Variants in PSMB3 observed in about 807,000 individuals in gnomAD.
The protein encoded by PSMB3 is proteasome 20S subunit beta 3.
In PSMB3, 5 loss-of-function variants were observed where a neutral mutation model predicts 23.3. The observed-to-expected ratio is 0.21, with a 90% CI of 0.11 to 0.45. The LOEUF is 0.45. PSMB3 is among the 20% of genes least tolerant of loss of function. The probability of loss-of-function intolerance (pLI) is 0.99; values close to 1 mark genes in which losing one functional copy is unlikely to be tolerated. For missense variants in PSMB3, 192 were observed against 277.9 expected (o/e 0.69, Z 2.20); for synonymous variants, 85 against 99.8 (o/e 0.85, Z 0.88).
chr17:38,764,073 G>A (rs1268568695), intron 5 of PSMB3, 46 bp from the exon 6 acceptor site: 6 of 1,612,372 alleles, frequency 3.7e-6, no homozygotes. Context: ...CACAGTCACG[G>A]TCCAGATGGG....
intron 5 of PSMB3, among the ~76,000 whole-genome samples, chr17:38,763,373 ACAAAAAACC>A (rs918783764): frequency 4.6e-5 from 7 of 151,926 alleles, no homozygotes; most frequent in East Asian, 1.9e-4. Flanking sequence ...AAAAACAAAA[ACAAAAAACC>A]CAAAAAACAG....
intron 2 of PSMB3, among the ~76,000 whole-genome samples, chr17:38,753,881 C>T (rs951885131): frequency 8.5e-5 from 13 of 152,222 alleles, no homozygotes; most frequent in African/African-American, 3.1e-4. Context: ...GTTGGGGAAG[C>T]ATTGGCAATG....
At chr17:38,758,403 G>A (rs547374470) in intron 3 of PSMB3, among the ~76,000 whole-genome samples, 2 of 151,760 alleles carry the variant, frequency 1.3e-5, no homozygotes, top group South Asian at 2.1e-4. Flanking sequence ...GCAGTGGTGC[G>A]ATCATGGCTC....
At chr17:38,760,310 A>G in intron 3 of PSMB3, 121 bp from the exon 4 acceptor site, 1 of 1,078,030 alleles carries the variant, frequency 9.3e-7, no homozygotes, top group Non-Finnish European at 1.3e-6. Flanking sequence ...TGATCTTCCT[A>G]AACAGGTCCT....
intron 4 of PSMB3, 73 bp from the exon 5 acceptor site, chr17:38,762,338 A>G: frequency 7.7e-7 from 1 of 1,294,228 alleles, no homozygotes; most frequent in Non-Finnish European, 1.1e-6. Context: ...GAGCCTAGAA[A>G]AAAGAGAGTT....
intron 2 of PSMB3, among the ~76,000 whole-genome samples, 170 bp from the exon 3 acceptor site, chr17:38,755,713 T>TTC (rs1452692508): frequency 1.7e-5 from 2 of 116,472 alleles, no homozygotes; most frequent in Admixed American, 1.7e-4. Context: ...TGTGTGTGTG[T>TTC]GTGCTGCCAA....
At chr17:38,760,349 C>T (rs183237876) in intron 3 of PSMB3, 82 bp from the exon 4 acceptor site, 56 of 1,497,788 alleles carry the variant, frequency 3.7e-5, no homozygotes, top group African/African-American at 1.5e-4. Context: ...GGGTCTAGGC[C>T]GGGGCCTTGT....
chr17:38,755,558 T>C (rs1908127900), intron 2 of PSMB3, among the ~76,000 whole-genome samples: 1 of 150,018 alleles, frequency 6.7e-6, no homozygotes, highest in South Asian at 2.1e-4. Context: ...GGCAGGAGAA[T>C]AGCGTGAACC....
At chr17:38,761,573 C>T (rs1459925951) in intron 4 of PSMB3, among the ~76,000 whole-genome samples, 1 of 152,094 alleles carries the variant, frequency 6.6e-6, no homozygotes, top group Non-Finnish European at 1.5e-5. Flanking sequence ...ACCTGTTGAA[C>T]TGCAGTTTGT....
At chr17:38,753,357 C>T (rs755235721) in intron 2 of PSMB3, 23 bp downstream of exon 2, 1 of 1,606,300 alleles carries the variant, frequency 6.2e-7, no homozygotes, top group Non-Finnish European at 8.5e-7. Flanking sequence ...GGTCCCCGCC[C>T]ACACCCAGGC....
At chr17:38,754,340 G>A (rs1373490295) in intron 2 of PSMB3, among the ~76,000 whole-genome samples, 1 of 152,018 alleles carries the variant, frequency 6.6e-6, no homozygotes, top group Non-Finnish European at 1.5e-5. Context: ...CTGGGTGGTG[G>A]GCACCTGTAA....
At chr17:38,763,078 C>T (rs577819926) in intron 5 of PSMB3, among the ~76,000 whole-genome samples, 6 of 152,278 alleles carry the variant, frequency 3.9e-5, no homozygotes, top group Admixed American at 2.0e-4. Context: ...AGTATTTGGC[C>T]AGGCGCGTTG....
intron 2 of PSMB3, among the ~76,000 whole-genome samples, chr17:38,755,678 A>G (rs2338113): frequency 0.38 from 39,661 of 105,132 alleles, 7,781 homozygotes; most frequent in Non-Finnish European, 0.41. Flanking sequence ...ATATATATAT[A>G]TATATGTGTG....
intron 2 of PSMB3, among the ~76,000 whole-genome samples, chr17:38,755,646 TAAAAAA>T (rs66894167): frequency 1.5e-5 from 1 of 66,446 alleles, no homozygotes; most frequent in African/African-American, 5.7e-5. Flanking sequence ...AGACTCCGTC[TAAAAAA>T]AAAAAAAATA....
chr17:38,756,516 G>A (rs1402436489), intron 3 of PSMB3, among the ~76,000 whole-genome samples: 1 of 151,648 alleles, frequency 6.6e-6, no homozygotes, highest in Non-Finnish European at 1.5e-5. Flanking sequence ...TTTTTTTTGA[G>A]ACGGAGTCTT....
chr17:38,760,388 G>A (rs751791270), intron 3 of PSMB3, 43 bp from the exon 4 acceptor site: 37 of 1,599,880 alleles, frequency 2.3e-5, no homozygotes, highest in African/African-American at 4.0e-5. Flanking sequence ...GAAAGCGAGC[G>A]TTCTTGAGTT....
chr17:38,753,012 T>G, intron 1 of PSMB3, 138 bp from the exon 2 acceptor site: 1 of 1,250,810 alleles, frequency 8.0e-7, no homozygotes, highest in Non-Finnish European at 1.1e-6. Flanking sequence ...ACAGTGCTCA[T>G]CCCAGCTGGA....
At position 38,753,128 on chromosome 17, in the gene PSMB3, CCCT is replaced by C. The variant is rs1403326041; in HGVS notation, c.4-19_4-17del. On this transcript the variant is annotated intron_variant, in intron 1 of 5. Coordinates refer to ENST00000619426, the MANE Select transcript of PSMB3 (RefSeq NM_002795.4). ...GCAGCGTTTGACCCCCCGCGCTGACCCCTCCGCTCTGTCTGTCCTAGTCTATTA... is the reference window on the plus strand; with the variant it reads ...GCAGCGTTTGACCCCCCGCGCTGACCCCGCTCTGTCTGTCCTAGTCTATTA... The C allele has an allele frequency of 6.3e-7, 1 of 1,594,018 alleles. No individual in the cohort carries two copies. The highest frequency in any genetic ancestry group is 8.6e-7 in the Non-Finnish European group (1 of 1,168,754).
intron 3 of PSMB3, among the ~76,000 whole-genome samples, chr17:38,756,635 AC>A (rs1188009051): frequency 6.6e-6 from 1 of 151,962 alleles, no homozygotes; most frequent in African/African-American, 2.4e-5. Flanking sequence ...AGCTGGGACC[AC>A]AGGTCCATAT....
Sources: gnomAD v4.1 joint callset for allele counts (sites outside exome capture counted in the v4.1 genomes callset) on GRCh38, gnomAD v4.1.1 for gene constraint, MANE v1.5 for transcripts, NCBI Gene and HGNC (gene_info 2026-07-23, HGNC 2026-07-21) for gene names.